LMX1B: variants seen among roughly 807,000 people sequenced by gnomAD.
The protein encoded by LMX1B is LIM homeobox transcription factor 1-beta.
LMX1B carries 12 observed loss-of-function variants against 51.4 expected under a neutral mutation model. The observed-to-expected ratio is 0.23, with a 90% CI of 0.15 to 0.38. The LOEUF (loss-of-function observed/expected upper bound fraction) is 0.38. Ranked by LOEUF, LMX1B falls within the 10% of genes least tolerant of loss-of-function variation. LMX1B has a pLI of 1.00. For synonymous variants in LMX1B, 237 were observed against 235.4 expected, an observed-to-expected ratio of 1.01 and a Z score of -0.06; for missense variants, 445 against 571.1, an observed-to-expected ratio of 0.78 and a Z score of 2.25.
At position 126,618,398 on chromosome 9, in the gene LMX1B, A is replaced by T. The variant is rs921707132; in HGVS notation, c.326+2829A>T. 6.6e-6 allele frequency among the ~76,000 whole-genome samples: 1 copy of T among 152,224 alleles called. No individual in the cohort carries two copies. Among genetic ancestry groups the T allele is most frequent in the Non-Finnish European group, 1.5e-5 (1 of 68,036 alleles). On this transcript the variant is annotated intron_variant, in intron 2 of 7. Transcript: ENST00000373474. The surrounding 1 kb of genome is among the most constrained non-coding windows in gnomAD (Gnocchi z 4.5). ...GATTAATTGACACTGGGGCACATTG[A>T]GCCGAATTTGATAAAAATCCTCTTG...
intron 2 of LMX1B, among the ~76,000 whole-genome samples, chr9:126,629,319 CAAT>C (rs1835592193): frequency 6.6e-6 from 1 of 152,226 alleles, no homozygotes; most frequent in South Asian, 2.1e-4. Context: ...ACAGCAGCAG[CAAT>C]AATAACGCCA....
At chr9:126,696,079 G>A in intron 7 of LMX1B, 76 bp downstream of exon 7, 10 of 1,351,222 alleles carry the variant, frequency 7.4e-6, no homozygotes, top group Non-Finnish European at 8.9e-6. Flanking sequence ...CCTGGGGCCA[G>A]GACAGCCACC....
At chr9:126,664,621 A>T (rs1177498312) in intron 2 of LMX1B, among the ~76,000 whole-genome samples, 1 of 152,222 alleles carries the variant, frequency 6.6e-6, no homozygotes, top group Non-Finnish European at 1.5e-5. Flanking sequence ...CACGCTTGTA[A>T]TCCCAGCACT....
rs945692020 is a variant in LMX1B at position 126,663,497 on chromosome 9, T to C, written c.327-27339T>C. 6.4e-4 allele frequency among the ~76,000 whole-genome samples: 97 copies of C among 152,062 alleles called. 2 individuals carry two copies. Among genetic ancestry groups the C allele is most frequent in the Non-Finnish European group, 1.4e-3 (92 of 68,010 alleles). On this transcript the variant is annotated intron_variant, in intron 2 of 7. Transcript: ENST00000373474. The stretch of plus-strand genomic sequence containing the variant: ...TGGGTTCAAATCCCAGCTCTGCCAC[T>C]TCCACAGTTGTGTGACCTTGGCAAG...
At chr9:126,681,909 A>AT (rs1421892780) in intron 2 of LMX1B, among the ~76,000 whole-genome samples, 7 of 149,384 alleles carry the variant, frequency 4.7e-5, no homozygotes, top group South Asian at 2.1e-4. Context: ...TCAAAAAAAA[A>AT]AAATAATAAT....
At chr9:126,640,153 G>A (rs1009675035) in intron 2 of LMX1B, among the ~76,000 whole-genome samples, 3 of 152,218 alleles carry the variant, frequency 2.0e-5, no homozygotes, top group East Asian at 1.9e-4. Flanking sequence ...TCCGTTGAAG[G>A]GGGAGCCCTT....
At chr9:126,676,876 T>C (rs956008680) in intron 2 of LMX1B, among the ~76,000 whole-genome samples, 6 of 152,150 alleles carry the variant, frequency 3.9e-5, no homozygotes, top group African/African-American at 7.2e-5. Flanking sequence ...TTTTTAATTG[T>C]CAAATGACTG....
intron 2 of LMX1B, among the ~76,000 whole-genome samples, chr9:126,672,384 T>C (rs1215888058): frequency 6.6e-6 from 1 of 152,220 alleles, no homozygotes; most frequent in Non-Finnish European, 1.5e-5. Flanking sequence ...GCTCACACAC[T>C]GTAGAGAGCT....
rs552669428 is a variant in LMX1B, at chr9:126,695,579, G to C, written c.887-260G>C. ...CACTATTGCCTGTGTGGGGTCTGCC[G>C]CCTCCCTGGATCCCCTGGAGGGGCG... On this transcript the variant is annotated intron_variant, in intron 6 of 7. Transcript: ENST00000373474. This position sits in a 1 kb window ranked among gnomAD's most constrained non-coding sequence, Gnocchi z 5.2. Among the ~76,000 whole-genome samples the C allele has an allele frequency of 1.2e-4, 19 of 152,304 alleles. No individual in the cohort carries two copies. Among genetic ancestry groups the C allele is most frequent in the Admixed American group, 7.8e-4 (12 of 15,308 alleles).
intron 2 of LMX1B, among the ~76,000 whole-genome samples, chr9:126,688,665 G>A (rs2029998708): frequency 6.6e-6 from 1 of 152,218 alleles, no homozygotes. Flanking sequence ...CTGACAGTTG[G>A]GTAGGTTGTG....
At chr9:126,668,443 T>TTTATTATTATTA (rs61392859) in intron 2 of LMX1B, among the ~76,000 whole-genome samples, 7,687 of 146,908 alleles carry the variant, frequency 0.052, 605 homozygotes, top group African/African-American at 0.16. Flanking sequence ...AGAAGCAGGA[T>TTTATTATTATTA]TTATTATTAT....
At chr9:126,617,678 C>T (rs1835329185) in intron 2 of LMX1B, among the ~76,000 whole-genome samples, 1 of 152,002 alleles carries the variant, frequency 6.6e-6, no homozygotes, top group Non-Finnish European at 1.5e-5. Context: ...AGGAAAGAGT[C>T]ACCTAACAGC....
intron 2 of LMX1B, among the ~76,000 whole-genome samples, chr9:126,623,625 G>A (rs920151873): frequency 5.3e-5 from 8 of 152,280 alleles, no homozygotes; most frequent in African/African-American, 1.4e-4. Context: ...GGTTCTCTAA[G>A]TCCTCCTATA....
At position 126,691,073 on chromosome 9, in the gene LMX1B, G is replaced by A; in HGVS notation, c.559+5G>A. Reference sequence around the variant, plus strand: ...GCCCCGACGAGTCCGACTCCGGTGAGGCCTGGCCTGAGCTGGGGGCAGGCC... The same window carrying A: ...GCCCCGACGAGTCCGACTCCGGTGAAGCCTGGCCTGAGCTGGGGGCAGGCC... On this transcript the variant is annotated splice_donor_5th_base_variant and intron_variant, in intron 3 of 7. Transcript: ENST00000373474. The A allele has an allele frequency of 1.9e-6, 3 of 1,603,224 alleles. No individual in the cohort carries two copies. The highest frequency in any genetic ancestry group is 2.6e-6 in the Non-Finnish European group (3 of 1,174,412).
Position 126,678,485 on chromosome 9 carries a change from AC to A in LMX1B, c.327-12346del, listed in dbSNP as rs576756919. On this transcript the variant is annotated intron_variant, in intron 2 of 7. Transcript: ENST00000373474. Reference sequence around the variant, plus strand: ...TGGGCATTTGAACACAACATATGACACCCCCAAATCTGTCTCAACCCCATGC... The same window carrying A: ...TGGGCATTTGAACACAACATATGACACCCCAAATCTGTCTCAACCCCATGC... Among the ~76,000 whole-genome samples the A allele has an allele frequency of 9.2e-5, 14 of 152,102 alleles. No homozygotes were observed. In the East Asian group the frequency reaches 2.7e-3, roughly 29 times the overall value.
chr9:126,688,804 C>T (rs576656011), intron 2 of LMX1B, among the ~76,000 whole-genome samples: 2 of 152,198 alleles, frequency 1.3e-5, no homozygotes, highest in Non-Finnish European at 2.9e-5. Context: ...GCCTCAGCCT[C>T]AGCTCACCCC....
rs1836589749 is a variant in LMX1B at position 126,677,648 on chromosome 9, C to T, written c.327-13188C>T. Among the ~76,000 whole-genome samples the T allele has an allele frequency of 6.6e-6, 1 of 152,178 alleles. No homozygotes were observed. Among genetic ancestry groups the T allele is most frequent in the Admixed American group, 6.5e-5 (1 of 15,288 alleles). Reference sequence around the variant, plus strand: ...CCTACCTCCGGTAGTGGTCATGAGGCATCAGTGAGGCCCCTGAGTGTGAAG... The same window carrying T: ...CCTACCTCCGGTAGTGGTCATGAGGTATCAGTGAGGCCCCTGAGTGTGAAG... On this transcript the variant is annotated intron_variant, in intron 2 of 7. Transcript: ENST00000373474. This position sits in a 1 kb window ranked among gnomAD's most constrained non-coding sequence, Gnocchi z 5.0.
At chr9:126,692,580 G>T (rs1216103335) in intron 3 of LMX1B, among the ~76,000 whole-genome samples, 1 of 152,250 alleles carries the variant, frequency 6.6e-6, no homozygotes, top group Admixed American at 6.5e-5. Context: ...AGTTGCACGC[G>T]TGAGGGCCTT....
rs892312440 is a variant in LMX1B at position 126,697,839 on chromosome 9, GTTTTGTTTTGT to G, written c.*1392_*1402del. On this transcript the variant is annotated 3_prime_UTR_variant, in exon 8 of 8. Coordinates refer to ENST00000373474, the MANE Select transcript of LMX1B (RefSeq NM_001174147.2). ...TATATGCAGGATGGGGGCACCTACT[GTTTTGTTTTGT>G]TTTGTTTTGTTTTGTTTTGTTTTGT... The G allele has an allele frequency of 1.3e-4, 6 of 45,376 alleles. No individual in the cohort carries two copies. Among genetic ancestry groups the G allele is most frequent in the African/African-American group, 3.9e-4 (6 of 15,354 alleles). The allele number at this position is 45,376 out of a possible 1,614,324, so 2.8% of individuals were successfully genotyped here.
Sources: gnomAD v4.1 joint callset for allele counts (sites outside exome capture counted in the v4.1 genomes callset) on GRCh38, gnomAD v4.1.1 for gene constraint, Gnocchi (gnomAD v3.1) non-coding constraint, MANE v1.5 for transcripts, NCBI Gene and HGNC (gene_info 2026-07-23, HGNC 2026-07-21) for gene names.